Variants in MLLT3 observed in about 807,000 individuals in gnomAD.
MLLT3 encodes MLLT3 super elongation complex subunit, also known as protein AF-9.
In MLLT3, 4 loss-of-function variants were observed where a neutral mutation model predicts 53.2. The ratio of observed to expected loss-of-function variants is 0.08; its 90% CI spans 0.04 to 0.17. The LOEUF (loss-of-function observed/expected upper bound fraction) is 0.17, where lower values mean the gene tolerates loss of function less well. Ranked by LOEUF, MLLT3 falls within the 10% of genes least tolerant of loss-of-function variation. The pLI is 1.00. For synonymous variants in MLLT3, 283 were observed against 230.6 expected, an observed-to-expected ratio of 1.23 and a Z score of -2.06; for missense variants, 569 against 684.0, an observed-to-expected ratio of 0.83 and a Z score of 1.87.
At chr9:20,385,257 CCCTA>C (rs890120886) in intron 5 of MLLT3, among the ~76,000 whole-genome samples, 1 of 152,000 alleles carries the variant, frequency 6.6e-6, no homozygotes, top group African/African-American at 2.4e-5. Flanking sequence ...GATAAACTGA[CCCTA>C]AACTTTGTGT....
At chr9:20,514,185 G>A (rs1817841278) in intron 2 of MLLT3, among the ~76,000 whole-genome samples, 1 of 152,152 alleles carries the variant, frequency 6.6e-6, no homozygotes, top group Non-Finnish European at 1.5e-5. Flanking sequence ...ACATTTGAGT[G>A]GAGAACAAGG....
intron 4 of MLLT3, among the ~76,000 whole-genome samples, chr9:20,437,902 C>T (rs1442467606): frequency 6.6e-6 from 1 of 152,158 alleles, no homozygotes; most frequent in African/African-American, 2.4e-5. Flanking sequence ...TTCAGCTGGT[C>T]CTCTAGTTTT....
chr9:20,409,202 A>C (rs964808155), intron 5 of MLLT3, among the ~76,000 whole-genome samples: 16 of 152,320 alleles, frequency 1.1e-4, no homozygotes, highest in African/African-American at 3.4e-4. Context: ...GGCAAGAAAG[A>C]GGAAGGCAAT....
chr9:20,498,201 C>G (rs887634800), intron 2 of MLLT3, among the ~76,000 whole-genome samples: 68 of 125,656 alleles, frequency 5.4e-4, no homozygotes, highest in Non-Finnish European at 1.1e-3. Flanking sequence ...GTACTCCAGC[C>G]TAGGTGACAG....
chr9:20,367,172 C>A (rs936174885), intron 5 of MLLT3, among the ~76,000 whole-genome samples: 2 of 151,898 alleles, frequency 1.3e-5, no homozygotes, highest in African/African-American at 4.8e-5. Context: ...ACACCCCAAT[C>A]TCTTACGCTC....
At chr9:20,614,509 A>G (rs573493872) in intron 2 of MLLT3, among the ~76,000 whole-genome samples, 153 of 152,174 alleles carry the variant, frequency 1.0e-3, no homozygotes, top group Non-Finnish European at 1.7e-3. Flanking sequence ...ATGAATGTTA[A>G]TAGTTAATAT....
chr9:20,377,527 T>G lies in MLLT3; in HGVS notation c.1126-11783A>C, dbSNP rs78465145. On this transcript the variant is annotated intron_variant, in intron 5 of 10. Transcript: ENST00000380338. ...TGAAATGAAATAACTAAAAGATATA[T>G]ATCTGAAGAGATTATTTTGACAAGA... Among the ~76,000 whole-genome samples, 356 of 152,270 alleles carry G rather than the reference T, an allele frequency of 2.3e-3. 13 individuals carry two copies. In the East Asian group the frequency reaches 0.062, roughly 27 times the overall value.
In MLLT3 at chr9:20,578,821, G is replaced by C. The variant is rs765691824; in HGVS notation, c.193+41833C>G. Among the ~76,000 whole-genome samples the C allele has an allele frequency of 9.2e-5, 14 of 151,870 alleles. No individual in the cohort carries two copies. The South Asian group carries it at 1.0e-3, about 11-fold the overall frequency. ...TCTAAATACATACCAGATTCCAAAGGCTTCACCAAAAAAAGTGAAATACTT... is the reference window on the plus strand; with the variant it reads ...TCTAAATACATACCAGATTCCAAAGCCTTCACCAAAAAAAGTGAAATACTT... On this transcript the variant is annotated intron_variant, in intron 2 of 10. Coordinates refer to ENST00000380338, the MANE Select transcript of MLLT3 (RefSeq NM_004529.4).
At chr9:20,583,553 G>C (rs1185558772) in intron 2 of MLLT3, among the ~76,000 whole-genome samples, 3 of 152,176 alleles carry the variant, frequency 2.0e-5, no homozygotes, top group African/African-American at 7.2e-5. Flanking sequence ...TGGGCATCTG[G>C]CATTTCCATA....
In MLLT3 at chr9:20,492,390, C is replaced by T. The variant is rs12006533; in HGVS notation, c.194-35604G>A. 7.9e-5 allele frequency among the ~76,000 whole-genome samples: 12 copies of T among 151,968 alleles called. No homozygotes were observed. In the East Asian group the frequency reaches 1.9e-3, roughly 24 times the overall value. Reference sequence around the variant, plus strand: ...TATCCTAGTTCTTAGGTTGGATGGTCATTTCAAGGATGTTCATTTTATTAT... The same window carrying T: ...TATCCTAGTTCTTAGGTTGGATGGTTATTTCAAGGATGTTCATTTTATTAT... On this transcript the variant is annotated intron_variant, in intron 2 of 10. Transcript: ENST00000380338.
intron 5 of MLLT3, among the ~76,000 whole-genome samples, chr9:20,406,418 A>G (rs1822578859): frequency 6.6e-6 from 1 of 152,242 alleles, no homozygotes; most frequent in Admixed American, 6.5e-5. Flanking sequence ...GTTACTGAAC[A>G]TTATTAGAGT....
chr9:20,443,600 C>A (rs1164155560), intron 4 of MLLT3, among the ~76,000 whole-genome samples: 1 of 152,184 alleles, frequency 6.6e-6, no homozygotes, highest in African/African-American at 2.4e-5. Context: ...TATCAATGCG[C>A]TGGTTACACT....
At chr9:20,486,847 A>G (rs1033123814) in intron 2 of MLLT3, among the ~76,000 whole-genome samples, 11 of 152,296 alleles carry the variant, frequency 7.2e-5, no homozygotes, top group African/African-American at 2.4e-4. Flanking sequence ...ATTCTCCAAA[A>G]GCAAGGGACA....
rs78639981 is a variant in MLLT3 at position 20,363,882 on chromosome 9, T to C, written c.1202-277A>G. 3.2e-4 allele frequency among the ~76,000 whole-genome samples: 48 copies of C among 152,336 alleles called. No homozygotes were observed. In the East Asian group the frequency reaches 7.7e-3, roughly 24 times the overall value. ...TATTTTTCTTCCCTAAGAAAAATTA[T>C]ACATAAAAAGAAAAAGAAAAATCTA... On this transcript the variant is annotated intron_variant, in intron 6 of 10. Transcript: ENST00000380338.
At chr9:20,465,372 A>G (rs575423279) in intron 2 of MLLT3, among the ~76,000 whole-genome samples, 2 of 152,260 alleles carry the variant, frequency 1.3e-5, no homozygotes, top group African/African-American at 4.8e-5. Context: ...GCACTGTATG[A>G]GAGTTACTTT....
Position 20,343,013 on chromosome 9 carries a change from T to A in MLLT3, c.*3430A>T, listed in dbSNP as rs1820774619. 1 of 189,164 alleles carries A rather than the reference T, an allele frequency of 5.3e-6. No homozygotes were observed. The highest frequency in any genetic ancestry group is 1.9e-3 in the Middle Eastern group (1 of 522). The allele number at this position is 189,164 out of a possible 1,614,324, so 11.7% of individuals were successfully genotyped here. ...CACTGACTGTTTCCAACACTGGACATCCAACTCCATTAAGTAGGCAAAGTT... is the reference window on the plus strand; with the variant it reads ...CACTGACTGTTTCCAACACTGGACAACCAACTCCATTAAGTAGGCAAAGTT... On this transcript the variant is annotated 3_prime_UTR_variant, in exon 11 of 11. Coordinates refer to ENST00000380338, the MANE Select transcript of MLLT3 (RefSeq NM_004529.4).
At chr9:20,455,873 A>G (rs1823952747) in intron 3 of MLLT3, among the ~76,000 whole-genome samples, 1 of 150,568 alleles carries the variant, frequency 6.6e-6, no homozygotes, top group Non-Finnish European at 1.5e-5. Context: ...AGGTTGACCA[A>G]TTTGTCTGGT....
intron 2 of MLLT3, among the ~76,000 whole-genome samples, chr9:20,576,025 T>G (rs1819644101): frequency 6.6e-6 from 1 of 152,232 alleles, no homozygotes; most frequent in African/African-American, 2.4e-5. Flanking sequence ...TGTAGCCACC[T>G]TCCTCAATGA....
rs550627388 is a variant in MLLT3, at chr9:20,403,400, TAA to T, written c.1125+10319_1125+10320del. ...AATGTATCTACAGGCCCAATGAAGATAAAGAGATGGGTGGCATATAACACACA... is the reference window on the plus strand; with the variant it reads ...AATGTATCTACAGGCCCAATGAAGATAGAGATGGGTGGCATATAACACACA... On this transcript the variant is annotated intron_variant, in intron 5 of 10. Transcript: ENST00000380338. Among the ~76,000 whole-genome samples the T allele has an allele frequency of 2.0e-5, 3 of 152,300 alleles. No homozygotes were observed. In the South Asian group the frequency reaches 6.2e-4, roughly 32 times the overall value.
Sources: gnomAD v4.1 joint callset for allele counts (sites outside exome capture counted in the v4.1 genomes callset) on GRCh38, gnomAD v4.1.1 for gene constraint, MANE v1.5 for transcripts, NCBI Gene and HGNC (gene_info 2026-07-23, HGNC 2026-07-21) for gene names.